The following FGF14 variants were observed in gnomAD, a reference collection of about 807,000 sequenced individuals.
FGF14 encodes the protein fibroblast growth factor homologous factor 4.
Under a neutral mutation model 25.5 loss-of-function variants are expected in FGF14, and 5 were observed. The observed-to-expected ratio is 0.20, with a 90% confidence interval of 0.10 to 0.41. The LOEUF is 0.41. Ranked by LOEUF, FGF14 falls within the 10% of genes least tolerant of loss-of-function variation. FGF14 has a pLI of 1.00. For missense variants in FGF14, 222 were observed against 320.1 expected (o/e 0.69, Z 2.34); for synonymous variants, 138 against 118.3 (o/e 1.17, Z -1.08).
chr13:101,908,350 C>T (rs1409772164), intron 1 of FGF14, among the ~76,000 whole-genome samples: 2 of 152,054 alleles, frequency 1.3e-5, no homozygotes, highest in African/African-American at 2.4e-5. Context: ...TTTTTGTTTC[C>T]GATTCCTCAT....
intron 1 of FGF14, among the ~76,000 whole-genome samples, chr13:102,201,335 G>A (rs1002966518): frequency 6.6e-6 from 1 of 151,940 alleles, no homozygotes; most frequent in Admixed American, 6.6e-5. Context: ...AAGGTGCCAA[G>A]GGATTTGTAA....
intron 1 of FGF14, among the ~76,000 whole-genome samples, chr13:102,161,222 ATAAAT>A (rs968113741): frequency 4.6e-5 from 7 of 152,168 alleles, no homozygotes; most frequent in Non-Finnish European, 7.4e-5. Context: ...ACAACAAAAA[ATAAAT>A]TAAGGAGAAA....
At chr13:101,744,366 C>T (rs1307878560) in intron 3 of FGF14, among the ~76,000 whole-genome samples, 1 of 152,012 alleles carries the variant, frequency 6.6e-6, no homozygotes, top group Non-Finnish European at 1.5e-5. Flanking sequence ...CAATTCCTGA[C>T]CTTCTGGCTT....
intron 3 of FGF14, among the ~76,000 whole-genome samples, chr13:101,750,148 T>C (rs2037176165): frequency 6.6e-6 from 1 of 152,146 alleles, no homozygotes. Context: ...ATATTTCTGT[T>C]GTGTATAAGC....
intron 3 of FGF14, among the ~76,000 whole-genome samples, chr13:101,762,731 A>G (rs2038108860): frequency 6.6e-6 from 1 of 152,214 alleles, no homozygotes; most frequent in Non-Finnish European, 1.5e-5. Context: ...TTTACACTTC[A>G]GTATTAAATA....
chr13:101,773,468 A>T (rs1216009745), intron 3 of FGF14, among the ~76,000 whole-genome samples: 1 of 152,032 alleles, frequency 6.6e-6, no homozygotes, highest in Non-Finnish European at 1.5e-5. Context: ...TTGCAGATGG[A>T]CAGAAACTGA....
chr13:101,993,235 G>T (rs1376443383), intron 1 of FGF14, among the ~76,000 whole-genome samples: 1 of 148,258 alleles, frequency 6.7e-6, no homozygotes, highest in African/African-American at 2.5e-5. Flanking sequence ...TACCAACCTG[G>T]AATTCTATAT....
At chr13:101,836,409 A>G (rs1235319585) in intron 3 of FGF14, among the ~76,000 whole-genome samples, 1 of 152,062 alleles carries the variant, frequency 6.6e-6, no homozygotes, top group Non-Finnish European at 1.5e-5. Flanking sequence ...ATTTAGTGCT[A>G]TACTGGACCA....
chr13:101,973,783 C>T (rs6491658), intron 1 of FGF14, among the ~76,000 whole-genome samples: 2,295 of 152,248 alleles, frequency 0.015, 61 homozygotes, highest in African/African-American at 0.052. Context: ...AAATGTTAAT[C>T]TCCTTTGGCA....
chr13:101,726,570 T>G, intron 4 of FGF14, 42 bp downstream of exon 4: 1 of 1,559,302 alleles, frequency 6.4e-7, no homozygotes, highest in African/African-American at 1.4e-5. Context: ...AAATAAAATA[T>G]GTAATAAGTC....
intron 1 of FGF14, among the ~76,000 whole-genome samples, chr13:101,906,961 TTA>T (rs1440555239): frequency 1.3e-5 from 2 of 152,134 alleles, no homozygotes; most frequent in Non-Finnish European, 2.9e-5. Context: ...CTTCCAAAGT[TTA>T]TGACTATTTC....
intron 3 of FGF14, among the ~76,000 whole-genome samples, chr13:101,842,382 T>G (rs1423053110): frequency 6.6e-6 from 1 of 152,150 alleles, no homozygotes; most frequent in East Asian, 1.9e-4. Context: ...TTATTACCTG[T>G]ACAATATTAG....
chr13:102,091,471 C>A (rs953526839), intron 1 of FGF14, among the ~76,000 whole-genome samples: 2 of 152,140 alleles, frequency 1.3e-5, no homozygotes, highest in Non-Finnish European at 2.9e-5. Context: ...CCCCCACCAA[C>A]AGCAGAGCCT....
chr13:102,076,942 A>T (rs1477215806), intron 1 of FGF14, among the ~76,000 whole-genome samples: 1 of 152,164 alleles, frequency 6.6e-6, no homozygotes, highest in African/African-American at 2.4e-5. Context: ...AGACACATAC[A>T]TCAATGGAAC....
In FGF14 at chr13:102,056,339, C is replaced by A. The variant is rs2042428450; in HGVS notation, c.209-181043G>T. 2.0e-5 allele frequency among the ~76,000 whole-genome samples: 3 copies of A among 152,294 alleles called. No homozygotes were observed. In the South Asian group the frequency reaches 6.2e-4, roughly 32 times the overall value. On this transcript the variant is annotated intron_variant, in intron 1 of 4. Transcript: ENST00000376131. ...AGAAACATAGTTCAACAATCATTTA[C>A]CTTTGTTTTCAAAGCAAAGGCTACA...
At chr13:102,315,703 T>C (rs924099849) in intron 1 of FGF14, among the ~76,000 whole-genome samples, 6 of 152,198 alleles carry the variant, frequency 3.9e-5, no homozygotes, top group African/African-American at 1.4e-4. Context: ...TCCCAAATAT[T>C]ATTGCATCTA....
chr13:102,304,866 CCACAACCTCA>C (rs1214458611), intron 1 of FGF14, among the ~76,000 whole-genome samples: 4 of 152,290 alleles, frequency 2.6e-5, no homozygotes, highest in Admixed American at 1.3e-4. Context: ...AGCACTCTAA[CCACAACCTCA>C]CAAAAGACTC....
chr13:102,221,404 G>T (rs2050604273), intron 1 of FGF14, among the ~76,000 whole-genome samples: 2 of 152,124 alleles, frequency 1.3e-5, no homozygotes, highest in African/African-American at 4.8e-5. Context: ...AAACTAATTT[G>T]ATAAGATGAT....
At chr13:102,287,225 G>C (rs1052458398) in intron 1 of FGF14, among the ~76,000 whole-genome samples, 1 of 152,216 alleles carries the variant, frequency 6.6e-6, no homozygotes, top group African/African-American at 2.4e-5. Context: ...TACAGTCCCT[G>C]GCTTTGATTT....
Sources: gnomAD v4.1 joint callset for allele counts (sites outside exome capture counted in the v4.1 genomes callset) on GRCh38, gnomAD v4.1.1 for gene constraint, MANE v1.5 for transcripts, NCBI Gene and HGNC (gene_info 2026-07-23, HGNC 2026-07-21) for gene names.